The following IGFL2 variants were observed in gnomAD, a reference collection of about 807,000 sequenced individuals.
The protein encoded by IGFL2 is insulin growth factor-like family member 2.
Under a neutral mutation model 13.9 loss-of-function variants are expected in IGFL2, and 7 were observed. The ratio of observed to expected loss-of-function variants is 0.51; its 90% CI spans 0.29 to 0.95. The LOEUF (loss-of-function observed/expected upper bound fraction) is 0.95. Ranked by LOEUF, IGFL2 falls within the 40% of genes least tolerant of loss-of-function variation. The pLI, the probability that IGFL2 is intolerant of heterozygous loss-of-function variation, is 0.08. For synonymous variants in IGFL2, 55 were observed against 55.8 expected (o/e 0.99, Z 0.07); for missense variants, 138 against 147.8 (o/e 0.93, Z 0.34).
At chr19:46,170,788 A>C in the IGFL2 span, among the ~76,000 whole-genome samples, 2 of 152,266 alleles carry the variant, frequency 1.3e-5, no homozygotes, top group South Asian at 4.1e-4. Flanking sequence ...CAGGCTTGCT[A>C]GGATTAGGAA....
At chr19:46,213,071 T>C in the IGFL2 span, 1 of 152,284 alleles carries the variant, frequency 6.6e-6, no homozygotes, top group African/African-American at 2.4e-5. Context: ...AGGACCTGAT[T>C]AGAGGATGTC....
At chr19:46,134,948 G>T in the IGFL2 span, among the ~76,000 whole-genome samples, 1 of 152,194 alleles carries the variant, frequency 6.6e-6, no homozygotes. Context: ...AAGAGGAGCA[G>T]CTCTGTAATT....
At chr19:46,123,172 C>T in the IGFL2 span, among the ~76,000 whole-genome samples, 5 of 150,298 alleles carry the variant, frequency 3.3e-5, no homozygotes, top group South Asian at 2.1e-4. Context: ...AGAAAATAAC[C>T]GATTTAGAAA....
chr19:46,198,608 G>T, the IGFL2 span, among the ~76,000 whole-genome samples: 3 of 152,226 alleles, frequency 2.0e-5, no homozygotes, highest in East Asian at 5.8e-4. Context: ...CAACATTCGT[G>T]CTGGAATAAA....
chr19:46,120,258 T>C, the IGFL2 span: 1 of 1,602,628 alleles, frequency 6.2e-7, no homozygotes, highest in Non-Finnish European at 8.5e-7. Context: ...GAAGTTCAAC[T>C]GTAGTCTCCG....
chr19:46,213,756 G>A, the IGFL2 span: 1 of 154,752 alleles, frequency 6.5e-6, no homozygotes, highest in Non-Finnish European at 1.5e-5. Context: ...TCGTATCTGT[G>A]GCTGTCCACT....
At chr19:46,136,297 T>C in the IGFL2 span, among the ~76,000 whole-genome samples, 21 of 152,300 alleles carry the variant, frequency 1.4e-4, no homozygotes, top group African/African-American at 4.6e-4. Flanking sequence ...TAAGAAAATA[T>C]TATGTCATGA....
At chr19:46,211,076 G>A in the IGFL2 span, among the ~76,000 whole-genome samples, 1 of 152,314 alleles carries the variant, frequency 6.6e-6, no homozygotes, top group East Asian at 1.9e-4. Flanking sequence ...TGGCTGAAAG[G>A]CTGTTCCAGA....
At chr19:46,081,002 G>T in the IGFL2 span, among the ~76,000 whole-genome samples, 1 of 152,154 alleles carries the variant, frequency 6.6e-6, no homozygotes, top group Admixed American at 6.5e-5. Context: ...ACGCACTGGG[G>T]ATCATCAGCC....
At chr19:46,188,395 G>GAGGTTTA in the IGFL2 span, among the ~76,000 whole-genome samples, 4 of 152,216 alleles carry the variant, frequency 2.6e-5, no homozygotes, top group Non-Finnish European at 5.9e-5. Context: ...CAGCCACCGT[G>GAGGTTTA]ACGCTCATTC....
At chr19:46,097,461 G>A in the IGFL2 span, among the ~76,000 whole-genome samples, 2 of 151,942 alleles carry the variant, frequency 1.3e-5, no homozygotes, top group Non-Finnish European at 2.9e-5. Flanking sequence ...TTTCAAACCA[G>A]CTCCTAGATT....
downstream of IGFL2, among the ~76,000 whole-genome samples, chr19:46,163,657 A>G (rs879316777): frequency 2.0e-5 from 3 of 152,152 alleles, no homozygotes; most frequent in Non-Finnish European, 2.9e-5. Flanking sequence ...ATGGCGCTGG[A>G]GGCTCTGTTC....
the IGFL2 span, among the ~76,000 whole-genome samples, chr19:46,178,122 A>C: frequency 8.3e-4 from 126 of 152,128 alleles, 2 homozygotes; most frequent in Middle Eastern, 0.017. Context: ...ACTAAAAATA[A>C]AAAAATTAGT....
At chr19:46,163,622 G>A (rs769503884), downstream of IGFL2, among the ~76,000 whole-genome samples, 12 of 152,196 alleles carry the variant, frequency 7.9e-5, no homozygotes, top group Non-Finnish European at 1.6e-4. Flanking sequence ...TTCCACTGCA[G>A]AGGCAGTGGC....
At chr19:46,130,468 C>T in the IGFL2 span, among the ~76,000 whole-genome samples, 43 of 152,204 alleles carry the variant, frequency 2.8e-4, no homozygotes, top group Non-Finnish European at 6.0e-4. Context: ...AAAGAACATA[C>T]CATGTTATTT....
chr19:46,175,827 C>A, the IGFL2 span, among the ~76,000 whole-genome samples: 1 of 147,392 alleles, frequency 6.8e-6, no homozygotes, highest in African/African-American at 2.5e-5. Context: ...AAGCATGAGC[C>A]ACCGTGCCTG....
At chr19:46,111,851 C>G in the IGFL2 span, 1 of 152,198 alleles carries the variant, frequency 6.6e-6, no homozygotes, top group Non-Finnish European at 1.5e-5. Context: ...TTAGAAAAAT[C>G]TATTAATAGA....
At chr19:46,171,302 A>C in the IGFL2 span, among the ~76,000 whole-genome samples, 1 of 152,190 alleles carries the variant, frequency 6.6e-6, no homozygotes, top group African/African-American at 2.4e-5. Context: ...TTCTGGGTCA[A>C]GAGCCAGGAG....
the IGFL2 span, among the ~76,000 whole-genome samples, chr19:46,100,197 C>T: frequency 6.6e-6 from 1 of 152,184 alleles, no homozygotes; most frequent in African/African-American, 2.4e-5. Context: ...AGGAGAGGCA[C>T]TCTGGCCTTT....
Sources: allele counts gnomAD v4.1 joint callset (sites outside exome capture counted in the v4.1 genomes callset), GRCh38; gene constraint gnomAD v4.1.1; transcripts MANE v1.5; gene names NCBI Gene and HGNC (gene_info 2026-07-23, HGNC 2026-07-21).